The following TBCD variants were observed in gnomAD, a reference collection of about 807,000 sequenced individuals.
The protein encoded by TBCD is tubulin folding cofactor D.
TBCD carries 105 observed loss-of-function variants against 169.3 expected under a neutral mutation model. The observed-to-expected ratio is 0.62, with a 90% CI of 0.53 to 0.73. TBCD has a LOEUF of 0.73. Among genes scored for constraint, TBCD ranks in the 30% least tolerant of loss-of-function variants. The pLI, the probability that TBCD is intolerant of heterozygous loss-of-function variation, is 0.00. For synonymous variants in TBCD, 700 were observed against 643.9 expected (o/e 1.09, Z -1.32); for missense variants, 1,444 against 1,600.1 (o/e 0.90, Z 1.66).
intron 37 of TBCD, among the ~76,000 whole-genome samples, chr17:82,940,662 G>A (rs1167642198): frequency 1.3e-5 from 2 of 152,214 alleles, no homozygotes; most frequent in Non-Finnish European, 2.9e-5. Context: ...GGTCCCAGGA[G>A]AGGAACCGGG....
At chr17:82,901,912 T>C (rs906548120) in intron 18 of TBCD, among the ~76,000 whole-genome samples, 2 of 152,248 alleles carry the variant, frequency 1.3e-5, no homozygotes, top group Non-Finnish European at 1.5e-5. Flanking sequence ...ATTTGTCAGT[T>C]GTATCAGCCG....
chr17:82,865,194 A>G (rs1335781215), intron 13 of TBCD, among the ~76,000 whole-genome samples: 1 of 151,568 alleles, frequency 6.6e-6, no homozygotes, highest in African/African-American at 2.4e-5. Flanking sequence ...GTTGAGCTGC[A>G]TTTTTGGGAC....
At chr17:82,802,000 C>T (rs943147109) in intron 9 of TBCD, among the ~76,000 whole-genome samples, 5 of 149,640 alleles carry the variant, frequency 3.3e-5, no homozygotes, top group African/African-American at 9.9e-5. Flanking sequence ...GCCTCCCTGG[C>T]GTGGCAGCGT....
chr17:82,761,160 C>T (rs1294716951), intron 2 of TBCD, among the ~76,000 whole-genome samples: 1 of 152,114 alleles, frequency 6.6e-6, no homozygotes, highest in Non-Finnish European at 1.5e-5. Context: ...GACAGGGTTT[C>T]ACCATGATGG....
At chr17:82,938,011 G>A (rs766118466) in intron 35 of TBCD, 38 bp from the exon 36 acceptor site, 19 of 1,610,162 alleles carry the variant, frequency 1.2e-5, no homozygotes, top group Non-Finnish European at 1.6e-5. Context: ...GCCTGCGCGG[G>A]GTGGGGCTCA....
intron 24 of TBCD, chr17:82,921,239 A>T: frequency 1.9e-6 from 1 of 539,766 alleles, no homozygotes. Context: ...AAAGAATAAA[A>T]GTTTCCCAAA....
At chr17:82,882,764 G>C (rs181417485) in intron 14 of TBCD, among the ~76,000 whole-genome samples, 98 of 152,288 alleles carry the variant, frequency 6.4e-4, no homozygotes, top group African/African-American at 2.1e-3. Flanking sequence ...AAACCGGAGA[G>C]CAAGGCCAGT....
rs149453445 is a variant in TBCD at position 82,933,681 on chromosome 17, G to A, written c.3191+946G>A. Among the ~76,000 whole-genome samples, 16 of 152,158 alleles carry A rather than the reference G, an allele frequency of 1.1e-4. No homozygotes were observed. The East Asian group carries it at 2.7e-3, about 26-fold the overall frequency. ...TGCCCAGGGTGTAGTGCAGTGGCTC[G>A]ATTTCAGCTCACCGCAACCCCGTCC... is the stretch of plus-strand genomic sequence containing the variant. On this transcript the variant is annotated intron_variant, in intron 34 of 38. Coordinates refer to ENST00000355528, the MANE Select transcript of TBCD (RefSeq NM_005993.5).
chr17:82,852,005 A>G (rs1192887300), intron 13 of TBCD, among the ~76,000 whole-genome samples: 2 of 152,192 alleles, frequency 1.3e-5, no homozygotes, highest in Non-Finnish European at 2.9e-5. Flanking sequence ...TTGAGACGCA[A>G]TTCACATGCC....
intron 8 of TBCD, 98 bp from the exon 9 acceptor site, chr17:82,800,766 G>A: frequency 6.9e-7 from 1 of 1,451,722 alleles, no homozygotes. Context: ...CCTGCCTCAA[G>A]GCCCCTGTGG....
At chr17:82,767,274 G>A (rs549210416) in intron 4 of TBCD, among the ~76,000 whole-genome samples, 1 of 152,262 alleles carries the variant, frequency 6.6e-6, no homozygotes, top group South Asian at 2.1e-4. Context: ...TGTGACTGAT[G>A]AGCGCTGTGG....
chr17:82,823,828 T>G (rs2145106197), intron 13 of TBCD, among the ~76,000 whole-genome samples: 1 of 152,340 alleles, frequency 6.6e-6, no homozygotes, highest in African/African-American at 2.4e-5. Context: ...TTAAGCATGT[T>G]AATCCAGTGG....
chr17:82,884,283 T>C lies in TBCD; in HGVS notation c.1533+81T>C. On this transcript the variant is annotated intron_variant, in intron 15 of 38. Transcript: ENST00000355528. The surrounding 1 kb of genome is among the most constrained non-coding windows in gnomAD (Gnocchi z 4.2). ...TCCCTGATGCTCCTCTGTGCACTGC[T>C]GCCTGGCCAGCTCACCCATCCACAG... 1.5e-6 allele frequency: 2 copies of C among 1,349,664 alleles called. No individual in the cohort carries two copies. The highest frequency in any genetic ancestry group is 5.0e-5 in the East Asian group (2 of 40,074). 83.6% of individuals were successfully genotyped at this position (1,349,664 alleles called of 1,614,324 possible).
intron 13 of TBCD, among the ~76,000 whole-genome samples, chr17:82,857,746 G>GTT (rs11388114): frequency 0.02 from 2,682 of 132,476 alleles, 60 homozygotes; most frequent in African/African-American, 0.058. Context: ...GTGTCTCATG[G>GTT]TTTTTTTTTT....
rs1053762359 is a variant in TBCD at position 82,806,770 on chromosome 17, G to A, written c.1087+759G>A. On this transcript the variant is annotated intron_variant, in intron 10 of 38. Transcript: ENST00000355528. This position sits in a 1 kb window ranked among gnomAD's most constrained non-coding sequence, Gnocchi z 5.1. ...CCACCTCGACCGTGACCATCAGGGC[G>A]CCTGTGGCACCGTTGCCAGCCCCGA... is the stretch of plus-strand genomic sequence containing the variant. 3.3e-5 allele frequency among the ~76,000 whole-genome samples: 5 copies of A among 152,126 alleles called. No homozygotes were observed. Among genetic ancestry groups the A allele is most frequent in the East Asian group, 1.9e-4 (1 of 5,186 alleles).
chr17:82,859,271 CTACACTGA>C, intron 13 of TBCD, among the ~76,000 whole-genome samples: 1 of 148,134 alleles, frequency 6.8e-6, no homozygotes, highest in Non-Finnish European at 1.5e-5. Context: ...TGTGTCCTCC[CTACACTGA>C]CACACTGGCT....
Position 82,890,212 on chromosome 17 carries a change from TG to T in TBCD, c.1563+521del, listed in dbSNP as rs1336186289. 6.6e-6 allele frequency among the ~76,000 whole-genome samples: 1 copy of T among 152,074 alleles called. No individual in the cohort carries two copies. ...GTCACTGGTCAGCTTCGCCTGTGAA[TG>T]GGGGGCCCCAGGTTACTCATGTTGT... On this transcript the variant is annotated intron_variant, in intron 16 of 38. Coordinates refer to ENST00000355528, the MANE Select transcript of TBCD (RefSeq NM_005993.5). This position sits in a 1 kb window ranked among gnomAD's most constrained non-coding sequence, Gnocchi z 5.3.
At chr17:82,817,071 A>G (rs1405489039) in intron 13 of TBCD, among the ~76,000 whole-genome samples, 1 of 152,186 alleles carries the variant, frequency 6.6e-6, no homozygotes, top group Non-Finnish European at 1.5e-5. Context: ...TATTCTGGAT[A>G]TAAGTCTCTT....
At chr17:82,784,110 C>T (rs2049134257) in intron 7 of TBCD, among the ~76,000 whole-genome samples, 1 of 151,542 alleles carries the variant, frequency 6.6e-6, no homozygotes, top group Non-Finnish European at 1.5e-5. Flanking sequence ...GGTGACAGAG[C>T]AAGACTCTGC....
Sources: gnomAD v4.1 joint callset for allele counts (sites outside exome capture counted in the v4.1 genomes callset) on GRCh38, gnomAD v4.1.1 for gene constraint, Gnocchi (gnomAD v3.1) non-coding constraint, MANE v1.5 for transcripts, NCBI Gene and HGNC (gene_info 2026-07-23, HGNC 2026-07-21) for gene names.